Variants in GPC3 observed in about 807,000 individuals in gnomAD.
GPC3 encodes the protein glypican 3, also known as glypican-3.
A neutral mutation model predicts 34.4 loss-of-function variants in GPC3; 3 were observed. That is an observed-to-expected ratio of 0.09 (90% CI 0.04 to 0.23). The LOEUF (loss-of-function observed/expected upper bound fraction) is 0.23, where lower values mean the gene tolerates loss of function less well. Ranked by LOEUF, GPC3 falls within the 10% of genes least tolerant of loss-of-function variation. GPC3 has a pLI of 1.00. For missense variants in GPC3, 351 were observed against 445.6 expected, an observed-to-expected ratio of 0.79 and a Z score of 1.91; for synonymous variants, 177 against 174.0, an observed-to-expected ratio of 1.02 and a Z score of -0.13.
At chrX:133,690,734 A>T (rs1169921102) in intron 5 of GPC3, among the ~76,000 whole-genome samples, 1 of 111,589 alleles carries the variant, frequency 9.0e-6, no homozygotes, top group African/African-American at 3.3e-5. Context: ...AGATTGTCAG[A>T]CCTGGAGGGG....
chrX:133,704,471 A>G lies in GPC3; in HGVS notation c.1033-4443T>C, dbSNP rs189761039. 5.4e-3 allele frequency among the ~76,000 whole-genome samples: 579 copies of G among 107,171 alleles called. 3 individuals are homozygous for G. The highest frequency in any genetic ancestry group is 0.018 in the African/African-American group (541 of 30,325). The allele number at this position is 107,171 out of a possible 115,157, so 93.1% of individuals were successfully genotyped here. A position where few individuals can be genotyped will look rare whatever the true frequency, so the allele number is the denominator to read the frequency against. On this transcript the variant is annotated intron_variant, in intron 3 of 7. Transcript: ENST00000370818. ...TTAGAAAGGAAGACCCAAAGAAATG[A>G]GGAAAGCTGTGGATTTTTATGCTAA...
At chrX:133,552,475 C>T (rs1363640360) in intron 7 of GPC3, among the ~76,000 whole-genome samples, 1 of 111,470 alleles carries the variant, frequency 9.0e-6, no homozygotes, top group Non-Finnish European at 1.9e-5. Context: ...GAAATAACCA[C>T]GGACCTGCCT....
At chrX:133,573,157 C>A (rs1042653406) in intron 7 of GPC3, among the ~76,000 whole-genome samples, 1 of 111,210 alleles carries the variant, frequency 9.0e-6, no homozygotes, top group African/African-American at 3.3e-5. Context: ...AAAAAAAATC[C>A]TACATGATTA....
intron 2 of GPC3, among the ~76,000 whole-genome samples, chrX:133,886,634 C>T (rs1335418388): frequency 8.9e-6 from 1 of 111,876 alleles, no homozygotes; most frequent in Non-Finnish European, 1.9e-5. Context: ...GGTCTGGTAA[C>T]CAGCATTCTG....
chrX:133,564,262 C>A (rs1412101347), intron 7 of GPC3, among the ~76,000 whole-genome samples: 1 of 111,323 alleles, frequency 9.0e-6, no homozygotes, highest in Non-Finnish European at 1.9e-5. Context: ...TCATTATAGT[C>A]CTTCCATATC....
intron 3 of GPC3, among the ~76,000 whole-genome samples, chrX:133,719,513 T>C (rs1432822191): frequency 8.9e-6 from 1 of 111,757 alleles, no homozygotes; most frequent in Non-Finnish European, 1.9e-5. Context: ...TGTCTGTTCA[T>C]GTCCTTCACC....
rs573422924 is a variant in GPC3, at chrX:133,811,725, G to A, written c.338-57549C>T. 1.7e-4 allele frequency among the ~76,000 whole-genome samples: 19 copies of A among 111,766 alleles called. No homozygotes were observed. In the South Asian group the frequency reaches 7.1e-3, roughly 42 times the overall value. On this transcript the variant is annotated intron_variant, in intron 2 of 7. Transcript: ENST00000370818. ...GAAAAATGTCTAATTCTGAAAACTA[G>A]CCATTTTAAAGCCACATAATCAACA...
chrX:133,640,557 G>A (rs1313529509), intron 6 of GPC3, among the ~76,000 whole-genome samples: 2 of 112,391 alleles, frequency 1.8e-5, no homozygotes, highest in African/African-American at 6.5e-5. Flanking sequence ...CCCCTGTGCA[G>A]ATATTAACAA....
chrX:133,557,281 A>G (rs1338095849), intron 7 of GPC3, among the ~76,000 whole-genome samples: 1 of 111,275 alleles, frequency 9.0e-6, no homozygotes, highest in East Asian at 2.8e-4. Context: ...GTGACAGAGC[A>G]AGACTCCGTC....
intron 3 of GPC3, among the ~76,000 whole-genome samples, chrX:133,738,173 C>T (rs965284007): frequency 8.9e-6 from 1 of 111,925 alleles, no homozygotes; most frequent in Non-Finnish European, 1.9e-5. Context: ...CGCTATGTTG[C>T]CACTGGTCTC....
intron 2 of GPC3, among the ~76,000 whole-genome samples, chrX:133,845,111 T>C (rs924864160): frequency 1.3e-4 from 15 of 111,853 alleles, no homozygotes; most frequent in African/African-American, 4.9e-4. Context: ...AACTTTCTTA[T>C]ATATGCTAAT....
At chrX:133,575,905 G>A (rs2069675796) in intron 7 of GPC3, among the ~76,000 whole-genome samples, 1 of 111,417 alleles carries the variant, frequency 9.0e-6, no homozygotes, top group African/African-American at 3.3e-5. Context: ...AGAGATATGG[G>A]GAAATGTATA....
intron 7 of GPC3, among the ~76,000 whole-genome samples, chrX:133,558,050 T>G (rs778733019): frequency 9.0e-6 from 1 of 111,452 alleles, no homozygotes; most frequent in African/African-American, 3.3e-5. Context: ...TCTGGTTGTC[T>G]TTTTAATTTC....
rs2070728915 is a variant in GPC3 at position 133,661,759 on chromosome X, T to G, written c.1384A>C (p.Ile462Leu). The G allele has an allele frequency of 8.4e-7, 1 of 1,195,703 alleles. No homozygotes were observed. Among genetic ancestry groups the G allele is most frequent in the Non-Finnish European group, 1.1e-6 (1 of 883,005 alleles). ...MKGPEPVVSQ[I>L]IDKLKHINQL... ...TTAATGTGCTTCAGTTTGTCAATAA[T>G]TTGACTGACCACTGGCTCAGGGCCC... Residue 462 changes from isoleucine (I) to leucine (L), a missense_variant, in exon 6 of 8, where the codon ATT (isoleucine) becomes CTT (leucine). Ile to Leu is a conservative substitution (Grantham distance 5, BLOSUM62 2). Transcript: ENST00000370818.
chrX:133,591,269 G>C (rs979745331), intron 7 of GPC3, among the ~76,000 whole-genome samples: 3 of 112,213 alleles, frequency 2.7e-5, no homozygotes, highest in Admixed American at 9.4e-5. Flanking sequence ...GGTGTTCCAA[G>C]TCTAGCTGAC....
intron 2 of GPC3, among the ~76,000 whole-genome samples, chrX:133,770,437 A>G (rs775162076): frequency 1.2e-4 from 14 of 112,275 alleles, no homozygotes; most frequent in Non-Finnish European, 2.1e-4. Context: ...TAATCCTAGA[A>G]TTAACCTGGA....
chrX:133,641,552 A>G (rs1403741378), intron 6 of GPC3, among the ~76,000 whole-genome samples: 1 of 110,686 alleles, frequency 9.0e-6, no homozygotes, highest in Non-Finnish European at 1.9e-5. Flanking sequence ...AGAAAGAGAG[A>G]GGCCAGGGGA....
intron 6 of GPC3, among the ~76,000 whole-genome samples, chrX:133,652,688 G>A (rs2124391933): frequency 9.0e-6 from 1 of 110,810 alleles, no homozygotes; most frequent in South Asian, 3.8e-4. Flanking sequence ...AACATTTTTT[G>A]CTATGTGTCA....
chrX:133,801,067 G>A (rs2075607216), intron 2 of GPC3, among the ~76,000 whole-genome samples: 1 of 111,915 alleles, frequency 8.9e-6, no homozygotes, highest in Non-Finnish European at 1.9e-5. Context: ...CCCAGTAAAT[G>A]AATTAGGATA....
Sources: allele counts gnomAD v4.1 joint callset (sites outside exome capture counted in the v4.1 genomes callset), GRCh38; gene constraint gnomAD v4.1.1; transcripts MANE v1.5; gene names NCBI Gene and HGNC (gene_info 2026-07-23, HGNC 2026-07-21).